Variants in ATAD5 observed in about 807,000 individuals in gnomAD.
ATAD5 encodes the protein ATPase family AAA domain-containing protein 5.
In ATAD5, 58 loss-of-function variants were observed where a neutral mutation model predicts 176.9. The observed-to-expected ratio is 0.33, with a 90% CI of 0.27 to 0.41. The LOEUF (loss-of-function observed/expected upper bound fraction) is 0.41, where lower values mean the gene tolerates loss of function less well. ATAD5 is among the 10% of genes least tolerant of loss of function. ATAD5 has a pLI of 1.00. For missense variants in ATAD5, 1,789 were observed against 2,094.1 expected (o/e 0.85, Z 2.84); for synonymous variants, 640 against 712.6 (o/e 0.90, Z 1.62).
At position 30,834,827 on chromosome 17, in the gene ATAD5, G is replaced by A. The variant is rs17826219; in HGVS notation, c.746G>A (p.Arg249Lys). ...MENTTSHANSRDNVTEAAQLN... is the reference protein window; with the variant it reads ...MENTTSHANSKDNVTEAAQLN... Reference sequence around the variant, plus strand: ...AATACTACAAGCCATGCAAACTCTAGAGATAACGTAACTGAAGCAGCCCAG... The same window carrying A: ...AATACTACAAGCCATGCAAACTCTAAAGATAACGTAACTGAAGCAGCCCAG... Residue 249 changes from arginine (R) to lysine (K), a missense_variant, in exon 2 of 23, where the codon AGA becomes AAA. By Grantham distance (26) the Arg-to-Lys change is conservative. Coordinates refer to ENST00000321990, the MANE Select transcript of ATAD5 (RefSeq NM_024857.5). The A allele has an allele frequency of 0.12, 186,627 of 1,613,402 alleles. 12,300 individuals are homozygous for A. Among genetic ancestry groups the A allele is most frequent in the South Asian group, 0.24 (22,005 of 90,866 alleles).
At chr17:30,854,035 A>G (rs1049367755) in intron 6 of ATAD5, among the ~76,000 whole-genome samples, 1 of 151,616 alleles carries the variant, frequency 6.6e-6, no homozygotes, top group African/African-American at 2.4e-5. Flanking sequence ...TTTTTTCTAT[A>G]CATATTTATT....
At chr17:30,850,856 TATATATATA>T in intron 6 of ATAD5, among the ~76,000 whole-genome samples, 4 of 38,756 alleles carry the variant, frequency 1.0e-4, no homozygotes, top group African/African-American at 2.7e-4. Flanking sequence ...TATATATATA[TATATATATA>T]TATATTTTTT....
chr17:30,842,931 C>T (rs539401450), intron 4 of ATAD5, among the ~76,000 whole-genome samples: 5 of 152,096 alleles, frequency 3.3e-5, no homozygotes, highest in African/African-American at 1.2e-4. Flanking sequence ...TTAGTAGAGA[C>T]GGGGTTTCTC....
chr17:30,836,563 A>T lies in ATAD5; in HGVS notation c.1967+515A>T, dbSNP rs183422942. Among the ~76,000 whole-genome samples, 598 of 151,642 alleles carry T rather than the reference A, an allele frequency of 3.9e-3. 4 individuals carry two copies. Among genetic ancestry groups the T allele is most frequent in the African/African-American group, 0.014 (564 of 41,384 alleles). On this transcript the variant is annotated intron_variant, in intron 2 of 22. Coordinates refer to ENST00000321990, the MANE Select transcript of ATAD5 (RefSeq NM_024857.5). Reference sequence around the variant, plus strand: ...TTTTTTTAATTTTAATTTTTAATTTAATTTAATTTTATTTTATTTTGAGAT... The same window carrying T: ...TTTTTTTAATTTTAATTTTTAATTTTATTTAATTTTATTTTATTTTGAGAT...
At chr17:30,877,942 T>G in intron 16 of ATAD5, 61 bp from the exon 17 acceptor site, 1 of 1,155,346 alleles carries the variant, frequency 8.7e-7, no homozygotes, top group Non-Finnish European at 1.2e-6. Context: ...GAATATTTAC[T>G]ATGTATACAT....
intron 6 of ATAD5, among the ~76,000 whole-genome samples, chr17:30,850,873 T>TA (rs1906911069): frequency 5.9e-5 from 1 of 16,918 alleles, no homozygotes; most frequent in African/African-American, 2.0e-4. Context: ...ATATATATTT[T>TA]TTTTTTTTTT....
At chr17:30,854,643 A>AT (rs1907186074) in intron 6 of ATAD5, among the ~76,000 whole-genome samples, 1 of 152,062 alleles carries the variant, frequency 6.6e-6, no homozygotes, top group African/African-American at 2.4e-5. Context: ...AAGTGCTGGG[A>AT]TTACAGGCGT....
intron 4 of ATAD5, 26 bp from the exon 5 acceptor site, chr17:30,843,887 A>C: frequency 1.6e-6 from 2 of 1,224,714 alleles, no homozygotes; most frequent in Non-Finnish European, 2.2e-6. Flanking sequence ...GATTTAATTA[A>C]AATTTATTCT....
rs1908742652 is a variant in ATAD5, at chr17:30,877,509, C to G, written c.3878C>G (p.Pro1293Arg). ...GTCAAAGACGTTGGAGCTGAAGAAC[C>G]CAGCAGAAAAAATGCAACATCTCTT... ...SNVKDVGAEE[P>R]SRKNATSLIL... is the part of the protein sequence containing the mutation. Residue 1293 changes from proline (P) to arginine (R), a missense_variant, in exon 16 of 23, where the codon CCC becomes CGC. By Grantham distance (103) the Pro-to-Arg change is moderately radical (BLOSUM62 -2). Coordinates refer to ENST00000321990, the MANE Select transcript of ATAD5 (RefSeq NM_024857.5). 1 of 1,610,772 alleles carries G rather than the reference C, an allele frequency of 6.2e-7. No homozygotes were observed. The highest frequency in any genetic ancestry group is 8.5e-7 in the Non-Finnish European group (1 of 1,178,934).
In ATAD5 at chr17:30,834,858, T is replaced by A. The variant is rs779449452; in HGVS notation, c.777T>A (p.Asn259Lys). The part of the protein sequence containing the change: ...RDNVTEAAQL[N>K]DSIITVSYEE... ...ACGTAACTGAAGCAGCCCAGTTAAA[T>A]GATAGTATAATAACTGTCTCATATG... The change falls in exon 2 of 23, where the codon AAT becomes AAA. Residue 259 changes from asparagine (N) to lysine (K), a missense_variant. Asn to Lys is a moderately conservative substitution (Grantham distance 94). Around this residue, in one of 6 missense-constraint regions of ATAD5, gnomAD observed 696 missense variants for 712.5 expected, o/e 0.98. Transcript: ENST00000321990. 28 of 1,613,398 alleles carry A rather than the reference T, an allele frequency of 1.7e-5. No homozygotes were observed. The South Asian group carries it at 3.0e-4, about 17-fold the overall frequency.
chr17:30,846,527 T>A lies in ATAD5; in HGVS notation c.2450+1611T>A, dbSNP rs752772117. On this transcript the variant is annotated intron_variant, in intron 6 of 22. Coordinates refer to ENST00000321990, the MANE Select transcript of ATAD5 (RefSeq NM_024857.5). ...AAGCGATTCTCCTGTCTTAGCCTCC[T>A]GAGTAGCTGGGACTACAGGCACGCA... Among the ~76,000 whole-genome samples the A allele has an allele frequency of 6.2e-4, 94 of 150,852 alleles. 1 individual carries two copies. Among genetic ancestry groups the A allele is most frequent in the Non-Finnish European group, 7.8e-4 (53 of 67,774 alleles).
intron 5 of ATAD5, 88 bp from the exon 6 acceptor site, chr17:30,844,747 C>CAA (rs569986111): frequency 7.1e-3 from 2,448 of 344,392 alleles, no homozygotes; most frequent in Middle Eastern, 0.022. Context: ...GACTCCATCT[C>CAA]AAAAAAAAAA....
intron 7 of ATAD5, 58 bp from the exon 8 acceptor site, chr17:30,856,897 C>A: frequency 7.1e-7 from 1 of 1,399,664 alleles, no homozygotes. Context: ...ATTTGACATT[C>A]AGTAAATGGA....
Position 30,877,481 on chromosome 17 carries a change from A to G in ATAD5, c.3850A>G (p.Asn1284Asp), listed in dbSNP as rs2077965135. Reference protein sequence around the residue: ...QTKSTNATNSNVKDVGAEEPS... With the variant: ...QTKSTNATNSDVKDVGAEEPS... ...TAAATCTACAAATGCAACTAATTCAAATGTCAAAGACGTTGGAGCTGAAGA... is the reference window on the plus strand; with the variant it reads ...TAAATCTACAAATGCAACTAATTCAGATGTCAAAGACGTTGGAGCTGAAGA... Residue 1284 changes from asparagine to aspartate, a missense_variant, in exon 16 of 23, where the codon AAT (asparagine) becomes GAT (aspartate). Coordinates refer to ENST00000321990, the MANE Select transcript of ATAD5 (RefSeq NM_024857.5). The G allele has an allele frequency of 6.2e-7, 1 of 1,605,476 alleles. No homozygotes were observed. Among genetic ancestry groups the G allele is most frequent in the Non-Finnish European group, 8.5e-7 (1 of 1,173,852 alleles).
At position 30,834,881 on chromosome 17, in the gene ATAD5, A is replaced by G. The variant is rs748044721; in HGVS notation, c.800A>G (p.Tyr267Cys). The change falls in exon 2 of 23, where the codon TAT (tyrosine) becomes TGT (cysteine). Residue 267 changes from tyrosine to cysteine, a missense_variant. This residue lies in a region of ATAD5 where 696 missense variants were observed against 712.5 expected (regional missense o/e 0.98). Transcript: ENST00000321990. ...AATGATAGTATAATAACTGTCTCAT[A>G]TGAGGAATTTTTAAAAAGTCACAAG... is the stretch of plus-strand genomic sequence containing the variant. ...QLNDSIITVS[Y>C]EEFLKSHKEN... 8 of 1,613,742 alleles carry G rather than the reference A, an allele frequency of 5.0e-6. No homozygotes were observed. The highest frequency in any genetic ancestry group is 6.8e-6 in the Non-Finnish European group (8 of 1,179,864).
chr17:30,891,151 A>AT (rs1909618469), intron 19 of ATAD5, among the ~76,000 whole-genome samples: 1 of 152,186 alleles, frequency 6.6e-6, no homozygotes, highest in Admixed American at 6.5e-5. Context: ...TATACTTTAC[A>AT]TTTTGATAGT....
intron 6 of ATAD5, among the ~76,000 whole-genome samples, chr17:30,850,847 A>G (rs1266651544): frequency 1.9e-4 from 6 of 31,388 alleles, no homozygotes; most frequent in African/African-American, 5.1e-4. Context: ...ATATATATAT[A>G]TATATATATA....
intron 1 of ATAD5, among the ~76,000 whole-genome samples, chr17:30,832,782 G>A (rs1905460031): frequency 6.6e-6 from 1 of 152,214 alleles, no homozygotes; most frequent in African/African-American, 2.4e-5. Context: ...CTTTAGCGCT[G>A]AAGAAGATCT....
intron 2 of ATAD5, 29 bp downstream of exon 2, chr17:30,836,077 A>T: frequency 6.6e-7 from 1 of 1,523,320 alleles, no homozygotes; most frequent in Non-Finnish European, 8.8e-7. Flanking sequence ...CTAACGTTCT[A>T]GTATTCTGCA....
Sources: gnomAD v4.1 joint callset for allele counts (sites outside exome capture counted in the v4.1 genomes callset) on GRCh38, gnomAD v4.1.1 for gene constraint, gnomAD v4.1.1 regional missense constraint, MANE v1.5 for transcripts, NCBI Gene and HGNC (gene_info 2026-07-23, HGNC 2026-07-21) for gene names.